DNAJC19: variants seen among roughly 807,000 people sequenced by gnomAD.
The protein encoded by DNAJC19 is mitochondrial import inner membrane translocase subunit TIM14.
A neutral mutation model predicts 19.8 loss-of-function variants in DNAJC19; 15 were observed. The ratio of observed to expected loss-of-function variants is 0.76; its 90% CI spans 0.51 to 1.17. The LOEUF (loss-of-function observed/expected upper bound fraction) is 1.17. Ranked by LOEUF, DNAJC19 falls within the 50% of genes most tolerant of loss-of-function variation. The pLI is 0.00. For synonymous variants in DNAJC19, 38 were observed against 42.1 expected, an observed-to-expected ratio of 0.90 and a Z score of 0.38; for missense variants, 105 against 140.9, an observed-to-expected ratio of 0.75 and a Z score of 1.29.
At chr3:180,987,772 GA>G in intron 3 of DNAJC19, 1 of 526,092 alleles carries the variant, frequency 1.9e-6, no homozygotes, top group Non-Finnish European at 3.4e-6. Flanking sequence ...GATGGTATGT[GA>G]AAAAGTGAAA....
At chr3:180,989,819 A>C (rs1233989401), upstream of DNAJC19, 1 of 793,200 alleles carries the variant, frequency 1.3e-6, no homozygotes, top group East Asian at 2.7e-5. Flanking sequence ...AGCAGTGGAC[A>C]GAGCGGAGAA....
chr3:180,984,028 T>C lies in DNAJC19; in HGVS notation c.*612A>G, dbSNP rs1197959773. The C allele has an allele frequency of 4.4e-6, 2 of 453,964 alleles. No homozygotes were observed. Among genetic ancestry groups the C allele is most frequent in the Non-Finnish European group, 8.8e-6 (2 of 226,780 alleles). The allele number at this position is 453,964 out of a possible 1,614,324, so 28.1% of individuals were successfully genotyped here. A position where few individuals can be genotyped will look rare whatever the true frequency, so the allele number is the denominator to read the frequency against. Reference sequence around the variant, plus strand: ...CAATGAACTGTGATTGTACCAGACCTGTACTCTGAAATCTTTATCATACTA... The same window carrying C: ...CAATGAACTGTGATTGTACCAGACCCGTACTCTGAAATCTTTATCATACTA... On this transcript the variant is annotated 3_prime_UTR_variant, in exon 6 of 6. Transcript: ENST00000382564.
chr3:180,989,080 A>G (rs1449582842), intron 1 of DNAJC19, among the ~76,000 whole-genome samples: 1 of 152,216 alleles, frequency 6.6e-6, no homozygotes. Context: ...CGGCTCCTGT[A>G]AAATTCTAAC....
intron 1 of DNAJC19, among the ~76,000 whole-genome samples, chr3:180,988,797 TC>T (rs1421471908): frequency 2.7e-5 from 4 of 150,112 alleles, no homozygotes; most frequent in Non-Finnish European, 4.4e-5. Context: ...GGTCGGGAGA[TC>T]GAGACCATCC....
upstream of DNAJC19, chr3:180,989,820 G>T: frequency 1.3e-6 from 1 of 793,662 alleles, no homozygotes; most frequent in Non-Finnish European, 2.1e-6. Flanking sequence ...GCAGTGGACA[G>T]AGCGGAGAAA....
chr3:180,988,460 A>G (rs1382198685), intron 1 of DNAJC19, among the ~76,000 whole-genome samples: 3 of 151,180 alleles, frequency 2.0e-5, no homozygotes, highest in African/African-American at 7.3e-5. Flanking sequence ...CAAAGTGCTA[A>G]GATTATAGGC....
At chr3:180,989,479 C>A in intron 1 of DNAJC19, 121 bp downstream of exon 1, 1 of 1,538,000 alleles carries the variant, frequency 6.5e-7, no homozygotes, top group Non-Finnish European at 8.8e-7. Flanking sequence ...CCCCAATAAC[C>A]GAAACCTCCC....
chr3:180,987,972 G>A (rs773849509), intron 3 of DNAJC19, 51 bp downstream of exon 3: 6 of 1,598,844 alleles, frequency 3.8e-6, no homozygotes, highest in South Asian at 3.3e-5. Context: ...CCTTCCCTAA[G>A]TGTGGCTCTA....
At chr3:180,985,688 G>A (rs1714866348) in intron 5 of DNAJC19, 1 of 482,522 alleles carries the variant, frequency 2.1e-6, no homozygotes, top group Non-Finnish European at 3.7e-6. Context: ...TATAATAAAT[G>A]TAGGCCAGAA....
At chr3:180,989,274 A>AGGGCAC in intron 1 of DNAJC19, 3 of 1,322,722 alleles carry the variant, frequency 2.3e-6, no homozygotes, top group Non-Finnish European at 2.9e-6. Context: ...TGTTAGGGCA[A>AGGGCAC]GGGCACTTAT....
chr3:180,989,785 G>A (rs1012356000), upstream of DNAJC19: 5 of 1,001,228 alleles, frequency 5.0e-6, no homozygotes, highest in African/African-American at 4.8e-5. Flanking sequence ...AAAAGGGGAC[G>A]CGGAGGAGAA....
intron 3 of DNAJC19, chr3:180,987,702 G>C: frequency 2.6e-6 from 1 of 390,662 alleles, no homozygotes; most frequent in Non-Finnish European, 4.9e-6. Context: ...ATATACCTCT[G>C]TGTGTGCGAT....
In DNAJC19 at chr3:180,989,620, C is replaced by T. The variant is rs1385414176; in HGVS notation, c.-18G>A. The stretch of plus-strand genomic sequence containing the variant: ...CTCACCATGGCTCCGGCTGGGCTCC[C>T]TTGCTTCCACCGGGAGCACGGCTCA... On this transcript the variant is annotated 5_prime_UTR_variant, in exon 1 of 6. Transcript: ENST00000382564. 14 of 1,587,216 alleles carry T rather than the reference C, an allele frequency of 8.8e-6. No homozygotes were observed. The highest frequency in any genetic ancestry group is 1.2e-5 in the Non-Finnish European group (14 of 1,167,398).
Position 180,984,452 on chromosome 3 carries a change from C to T in DNAJC19, c.*188G>A, listed in dbSNP as rs1051411. 134,504 of 615,418 alleles carry T rather than the reference C, an allele frequency of 0.22. 15,614 individuals are homozygous for T. Among genetic ancestry groups the T allele is most frequent in the African/African-American group, 0.31 (17,213 of 55,010 alleles). The allele number at this position is 615,418 out of a possible 1,614,324, so 38.1% of individuals were successfully genotyped here. A position where few individuals can be genotyped will look rare whatever the true frequency, so the allele number is the denominator to read the frequency against. ...GGTGTGTGCTTGCCCATAATTAATA[C>T]GCAAATATTCTAAACTATAATCTGA... is the stretch of plus-strand genomic sequence containing the variant. On this transcript the variant is annotated 3_prime_UTR_variant, in exon 6 of 6. Transcript: ENST00000382564.
chr3:180,988,976 C>G (rs937923231), intron 1 of DNAJC19, among the ~76,000 whole-genome samples: 2 of 150,434 alleles, frequency 1.3e-5, no homozygotes, highest in African/African-American at 4.9e-5. Flanking sequence ...CCACTGCACT[C>G]CAGCCTAGGC....
rs761431774 is a variant in DNAJC19 at position 180,983,952 on chromosome 3, C to A, written c.*688G>T. The A allele has an allele frequency of 8.8e-6, 4 of 453,808 alleles. No individual in the cohort carries two copies. Among genetic ancestry groups the A allele is most frequent in the Non-Finnish European group, 1.8e-5 (4 of 226,722 alleles). The allele number at this position is 453,808 out of a possible 1,614,324, so 28.1% of individuals were successfully genotyped here. Reference sequence around the variant, plus strand: ...AATACTCATGCCTGTAATCCCAGTACTTTGGGAGGCTGAGGCGGGAGGACT... The same window carrying A: ...AATACTCATGCCTGTAATCCCAGTAATTTGGGAGGCTGAGGCGGGAGGACT... On this transcript the variant is annotated 3_prime_UTR_variant, in exon 6 of 6. Transcript: ENST00000382564.
chr3:180,987,954 A>G, intron 3 of DNAJC19, 69 bp downstream of exon 3: 1 of 1,572,252 alleles, frequency 6.4e-7, no homozygotes, highest in Non-Finnish European at 8.8e-7. Flanking sequence ...GGATATTTGG[A>G]AATTTACCCT....
chr3:180,985,920 A>G lies in DNAJC19; in HGVS notation c.280+6T>C, dbSNP rs747577848. Reference sequence around the variant, plus strand: ...CAACATCAACGAGAATTTAATGACTACTTACCTTTGTCAGGATGATTTAAA... The same window carrying G: ...CAACATCAACGAGAATTTAATGACTGCTTACCTTTGTCAGGATGATTTAAA... On this transcript the variant is annotated splice_donor_region_variant and intron_variant, in intron 5 of 5. Coordinates refer to ENST00000382564, the MANE Select transcript of DNAJC19 (RefSeq NM_145261.4). The G allele has an allele frequency of 7.4e-6, 12 of 1,611,890 alleles. No individual in the cohort carries two copies. Among genetic ancestry groups the G allele is most frequent in the Non-Finnish European group, 1.7e-6 (2 of 1,178,364 alleles).
chr3:180,988,305 C>G, intron 1 of DNAJC19, 76 bp from the exon 2 acceptor site: 1 of 1,536,380 alleles, frequency 6.5e-7, no homozygotes, highest in Non-Finnish European at 9.0e-7. Context: ...CTTCCATCCC[C>G]AACTCATTAC....
Sources: allele counts gnomAD v4.1 joint callset (sites outside exome capture counted in the v4.1 genomes callset), GRCh38; gene constraint gnomAD v4.1.1; transcripts MANE v1.5; gene names NCBI Gene and HGNC (gene_info 2026-07-23, HGNC 2026-07-21).